The following CES1 variants were observed in gnomAD, a reference collection of about 807,000 sequenced individuals.
The protein encoded by CES1 is carboxylesterase 1, also known as liver carboxylesterase 1.
CES1 carries 50 observed loss-of-function variants against 53.0 expected under a neutral mutation model. That is an observed-to-expected ratio of 0.94 (90% CI 0.75 to 1.19). CES1 has a LOEUF of 1.19. CES1 is among the 50% of genes most tolerant of loss of function. The pLI is 0.00. For synonymous variants in CES1, 202 were observed against 210.1 expected (o/e 0.96, Z 0.33); for missense variants, 534 against 538.0 (o/e 0.99, Z 0.07).
intron 2 of CES1, among the ~76,000 whole-genome samples, chr16:55,827,584 T>C (rs1407442182): frequency 6.6e-6 from 1 of 152,128 alleles, no homozygotes; most frequent in Non-Finnish European, 1.5e-5. Flanking sequence ...TATCCTAAAC[T>C]ATTCATGAAT....
chr16:55,823,220 C>T (rs1326093770), intron 4 of CES1, among the ~76,000 whole-genome samples: 1 of 151,648 alleles, frequency 6.6e-6, no homozygotes, highest in African/African-American at 2.4e-5. Flanking sequence ...AGTGTCATGA[C>T]AGAGAAAAGC....
chr16:55,814,764 T>A (rs562820227), intron 8 of CES1, among the ~76,000 whole-genome samples: 23 of 152,342 alleles, frequency 1.5e-4, no homozygotes, highest in African/African-American at 5.3e-4. Flanking sequence ...GGACCTTTGG[T>A]CTGCTCTACA....
chr16:55,825,268 T>C (rs1338734889), intron 3 of CES1, among the ~76,000 whole-genome samples: 10 of 152,222 alleles, frequency 6.6e-5, no homozygotes, highest in African/African-American at 1.4e-4. Flanking sequence ...GACCAACTTC[T>C]AGTTCCACGT....
chr16:55,826,103 C>A, intron 3 of CES1, 48 bp downstream of exon 3: 3 of 1,612,276 alleles, frequency 1.9e-6, no homozygotes, highest in Admixed American at 1.7e-5. Flanking sequence ...CCAGAAGATG[C>A]GGGGTACTGG....
rs536635771 is a variant in CES1, at chr16:55,816,915, G to T, written c.945+9C>A. ...CAAAACCCGTAATCCAGAAACAAAA[G>T]GTCCTTACCTCTCTGGGGTCTCCCT... On this transcript the variant is annotated intron_variant, in intron 8 of 13. Transcript: ENST00000360526. 2 of 1,613,948 alleles carry T rather than the reference G, an allele frequency of 1.2e-6. No homozygotes were observed. The highest frequency in any genetic ancestry group is 1.1e-5 in the South Asian group (1 of 91,076).
chr16:55,826,113 G>C, intron 3 of CES1, 38 bp downstream of exon 3: 2 of 1,613,656 alleles, frequency 1.2e-6, no homozygotes, highest in Non-Finnish European at 1.7e-6. Flanking sequence ...CGGGGTACTG[G>C]CACTGACACG....
chr16:55,817,340 C>A (rs1289466118), intron 7 of CES1, among the ~76,000 whole-genome samples: 1 of 152,192 alleles, frequency 6.6e-6, no homozygotes, highest in Non-Finnish European at 1.5e-5. Context: ...CAATAATATC[C>A]TATGATCATC....
chr16:55,824,410 T>C (rs1567504322), intron 3 of CES1, among the ~76,000 whole-genome samples: 1 of 152,254 alleles, frequency 6.6e-6, no homozygotes, highest in Non-Finnish European at 1.5e-5. Flanking sequence ...AAAATAATGA[T>C]ATTGTAATAA....
intron 7 of CES1, among the ~76,000 whole-genome samples, chr16:55,818,730 C>T (rs1392130047): frequency 2.0e-5 from 3 of 151,848 alleles, no homozygotes; most frequent in Non-Finnish European, 2.9e-5. Context: ...CCCACCCCTA[C>T]ATATTTAGCA....
chr16:55,821,565 A>T (rs1180397806), intron 4 of CES1, 44 bp from the exon 5 acceptor site: 1 of 1,610,810 alleles, frequency 6.2e-7, no homozygotes, highest in Admixed American at 1.7e-5. Flanking sequence ...CAGAGATGTC[A>T]TGCAGGACCT....
chr16:55,832,213 C>A (rs1359554253), intron 1 of CES1, among the ~76,000 whole-genome samples: 347 of 150,542 alleles, frequency 2.3e-3, no homozygotes, highest in South Asian at 9.4e-3. Flanking sequence ...TTGGAAGCCA[C>A]AGTAAAAGCC....
intron 6 of CES1, 67 bp from the exon 7 acceptor site, chr16:55,819,706 T>G: frequency 7.4e-7 from 1 of 1,346,656 alleles, no homozygotes; most frequent in Non-Finnish European, 1.1e-6. Context: ...AAGAGGAAAG[T>G]GGCATTCTAT....
At chr16:55,813,187 G>C (rs570470067) in intron 8 of CES1, 144 bp from the exon 9 acceptor site, 29 of 1,143,578 alleles carry the variant, frequency 2.5e-5, no homozygotes, top group South Asian at 6.5e-5. Context: ...CCTAACTTAG[G>C]GGGGTAGGTC....
intron 1 of CES1, among the ~76,000 whole-genome samples, chr16:55,831,525 GT>G (rs1247332925): frequency 6.9e-6 from 1 of 144,514 alleles, no homozygotes; most frequent in Admixed American, 6.9e-5. Flanking sequence ...ATGCATTCCA[GT>G]TTTTTAAATT....
At chr16:55,811,873 A>G (rs1337823767) in intron 9 of CES1, among the ~76,000 whole-genome samples, 1 of 152,196 alleles carries the variant, frequency 6.6e-6, no homozygotes, top group Non-Finnish European at 1.5e-5. Context: ...CCCTGTCGAA[A>G]GAGTAGAGCC....
intron 9 of CES1, 23 bp downstream of exon 9, chr16:55,812,880 C>A: frequency 1.9e-6 from 3 of 1,613,666 alleles, no homozygotes; most frequent in South Asian, 1.1e-5. Flanking sequence ...TTGAGTCCCT[C>A]CAACAGACAT....
intron 8 of CES1, 65 bp from the exon 9 acceptor site, chr16:55,813,108 C>A: frequency 6.2e-7 from 1 of 1,606,680 alleles, no homozygotes; most frequent in Non-Finnish European, 8.5e-7. Flanking sequence ...CCCAACTCTG[C>A]CTGTCTGAGG....
rs575440998 is a variant in CES1, at chr16:55,818,295, A to G, written c.906+1240T>C. ...CATCCAACAATCCTAAAGGTCCCCAAGTCCTAATATGTGAGGATGGCAGGG... is the reference window on the plus strand; with the variant it reads ...CATCCAACAATCCTAAAGGTCCCCAGGTCCTAATATGTGAGGATGGCAGGG... On this transcript the variant is annotated intron_variant, in intron 7 of 13. Transcript: ENST00000360526. Among the ~76,000 whole-genome samples the G allele has an allele frequency of 4.3e-4, 65 of 152,330 alleles. 1 individual carries two copies. In the South Asian group the frequency reaches 8.7e-3, roughly 20 times the overall value.
At chr16:55,812,608 C>T (rs553886580) in intron 9 of CES1, among the ~76,000 whole-genome samples, 23 of 152,274 alleles carry the variant, frequency 1.5e-4, no homozygotes, top group Middle Eastern at 3.4e-3. Context: ...AGGCCCCCTC[C>T]GTTTTCCCAT....
Sources: gnomAD v4.1 joint callset for allele counts (sites outside exome capture counted in the v4.1 genomes callset) on GRCh38, gnomAD v4.1.1 for gene constraint, MANE v1.5 for transcripts, NCBI Gene and HGNC (gene_info 2026-07-23, HGNC 2026-07-21) for gene names.